The following SPAG17 variants were observed in gnomAD, a reference collection of about 807,000 sequenced individuals.
The protein encoded by SPAG17 is sperm-associated antigen 17.
A neutral mutation model predicts 273.6 loss-of-function variants in SPAG17; 169 were observed. The ratio of observed to expected loss-of-function variants is 0.62; its 90% confidence interval spans 0.55 to 0.70. SPAG17 has a LOEUF of 0.70. Ranked by LOEUF, SPAG17 falls within the 30% of genes least tolerant of loss-of-function variation. The probability of loss-of-function intolerance (pLI) is 0.00; values close to 1 mark genes in which losing one functional copy is unlikely to be tolerated. For synonymous variants in SPAG17, 825 were observed against 873.2 expected, an observed-to-expected ratio of 0.94 and a Z score of 0.97; for missense variants, 2,557 against 2,627.8, an observed-to-expected ratio of 0.97 and a Z score of 0.59.
chr1:118,182,703 T>A (rs1661004806), intron 1 of SPAG17, among the ~76,000 whole-genome samples: 1 of 152,176 alleles, frequency 6.6e-6, no homozygotes, highest in Non-Finnish European at 1.5e-5. Flanking sequence ...GTATCAGATT[T>A]ACTTGGTGCA....
At chr1:117,990,675 A>G (rs927676587) in intron 38 of SPAG17, among the ~76,000 whole-genome samples, 186 bp downstream of exon 38, 3 of 152,214 alleles carry the variant, frequency 2.0e-5, no homozygotes, top group East Asian at 1.9e-4. Context: ...GTCAAAGCTC[A>G]GGCAGAACAA....
intron 46 of SPAG17, 49 bp from the exon 47 acceptor site, chr1:117,966,802 C>T (rs1320181230): frequency 6.7e-7 from 1 of 1,496,692 alleles, no homozygotes; most frequent in South Asian, 1.4e-5. Flanking sequence ...GAGTTCAAAC[C>T]TTGCTTTTAA....
rs546322881 is a variant in SPAG17 at position 118,162,712 on chromosome 1, C to A, written c.88-11343G>T. 9.4e-4 allele frequency among the ~76,000 whole-genome samples: 142 copies of A among 150,674 alleles called. 1 individual carries two copies. The highest frequency in any genetic ancestry group is 3.2e-3 in the African/African-American group (133 of 41,186). On this transcript the variant is annotated intron_variant, in intron 1 of 48. Coordinates refer to ENST00000336338, the MANE Select transcript of SPAG17 (RefSeq NM_206996.4). ...AAATGAAGGATGCAAAATTGAATAA[C>A]ATGGAGCCCAAATTGTTTCATATTG...
At chr1:117,985,931 T>A (rs904118648) in intron 40 of SPAG17, among the ~76,000 whole-genome samples, 3 of 152,172 alleles carry the variant, frequency 2.0e-5, no homozygotes, top group Non-Finnish European at 2.9e-5. Flanking sequence ...CTGCACATGC[T>A]AGTCAGCCGT....
intron 10 of SPAG17, among the ~76,000 whole-genome samples, chr1:118,089,355 G>GTGTGTGT (rs10527094): frequency 1.5e-5 from 2 of 137,844 alleles, no homozygotes; most frequent in African/African-American, 5.5e-5. Context: ...GTGTGTGTGT[G>GTGTGTGT]GTGGCAGGTA....
intron 3 of SPAG17, among the ~76,000 whole-genome samples, chr1:118,143,062 A>G (rs1195191074): frequency 6.6e-6 from 1 of 152,206 alleles, no homozygotes; most frequent in East Asian, 1.9e-4. Context: ...GTTGACCCAA[A>G]CATGTGGGCA....
intron 28 of SPAG17, among the ~76,000 whole-genome samples, chr1:118,022,506 G>A (rs766678056): frequency 5.9e-5 from 9 of 152,126 alleles, no homozygotes; most frequent in African/African-American, 9.7e-5. Context: ...ATAATAAGAT[G>A]CATTGATTAT....
rs768738068 is a variant in SPAG17 at position 117,981,278 on chromosome 1, G to A, written c.5996C>T (p.Ser1999Phe). Reference sequence around the variant, plus strand: ...AAAAAAGACTGCCATACCTTCAGGAGATTTTGTTAAATTTTCAGTTTGGTT... The same window carrying A: ...AAAAAAGACTGCCATACCTTCAGGAAATTTTGTTAAATTTTCAGTTTGGTT... ...AQNQTENLTK[S>F]PEEAESYEPV... The change falls in exon 43 of 49, where the codon TCT becomes TTT. Residue 1999 changes from serine (S) to phenylalanine (F), a missense_variant. Transcript: ENST00000336338. 7 of 1,566,148 alleles carry A rather than the reference G, an allele frequency of 4.5e-6. No homozygotes were observed. Among genetic ancestry groups the A allele is most frequent in the African/African-American group, 1.4e-5 (1 of 71,246 alleles).
chr1:118,093,383 A>T, intron 7 of SPAG17, 66 bp from the exon 8 acceptor site: 1 of 1,462,432 alleles, frequency 6.8e-7, no homozygotes, highest in Non-Finnish European at 9.2e-7. Context: ...GATATATGGT[A>T]TATATCTCTT....
At chr1:117,986,056 C>G (rs1201522134) in intron 40 of SPAG17, among the ~76,000 whole-genome samples, 2 of 152,162 alleles carry the variant, frequency 1.3e-5, no homozygotes, top group Non-Finnish European at 2.9e-5. Flanking sequence ...AGTGAAACAA[C>G]CAGCCAGCAT....
chr1:118,169,089 AG>A (rs766495011), intron 1 of SPAG17, among the ~76,000 whole-genome samples: 1 of 152,198 alleles, frequency 6.6e-6, no homozygotes, highest in African/African-American at 2.4e-5. Flanking sequence ...ACATTTTCCT[AG>A]GATGTTGCCA....
rs751934421 is a variant in SPAG17 at position 118,005,412 on chromosome 1, A to T, written c.4776+2T>A. ...TCTCTCCATACCAAAGGTGCACTTT[A>T]CCTGAAAAGTGTTTCCCTCAGGATC... On this transcript the variant is annotated splice_donor_variant, in intron 32 of 48. Transcript: ENST00000336338. LOFTEE classifies it high-confidence loss of function. The T allele has an allele frequency of 3.1e-6, 5 of 1,600,540 alleles. No individual in the cohort carries two copies. In the African/African-American group the frequency reaches 6.7e-5, roughly 22 times the overall value.
chr1:118,054,045 T>C lies in SPAG17; in HGVS notation c.2771A>G (p.Lys924Arg), dbSNP rs754133329. 6.2e-7 allele frequency: 1 copy of C among 1,608,330 alleles called. No homozygotes were observed. The highest frequency in any genetic ancestry group is 1.1e-5 in the South Asian group (1 of 90,680). ...KTEISDQEKE[K>R]EKEKIPFILE... ...AATGAAAGGAATCTTTTCCTTCTCT[T>C]TTTCTTTTTCTTGATCTGATATCTC... The change falls in exon 20 of 49, where the codon AAA (lysine) becomes AGA (arginine). Residue 924 changes from lysine (K) to arginine (R), a missense_variant. By Grantham distance (26) the Lys-to-Arg change is conservative. Coordinates refer to ENST00000336338, the MANE Select transcript of SPAG17 (RefSeq NM_206996.4).
chr1:117,991,614 C>T, intron 36 of SPAG17, 86 bp from the exon 37 acceptor site: 1 of 782,092 alleles, frequency 1.3e-6, no homozygotes, highest in Non-Finnish European at 2.0e-6. Flanking sequence ...TGAAATATTA[C>T]AAAAAATGAA....
At chr1:118,064,048 A>G (rs1331630807) in intron 18 of SPAG17, among the ~76,000 whole-genome samples, 1 of 152,148 alleles carries the variant, frequency 6.6e-6, no homozygotes, top group Non-Finnish European at 1.5e-5. Flanking sequence ...ACCATCTCAC[A>G]CCAGTTAGAA....
At chr1:118,135,760 A>G (rs1376205903) in intron 3 of SPAG17, among the ~76,000 whole-genome samples, 1 of 152,206 alleles carries the variant, frequency 6.6e-6, no homozygotes, top group Non-Finnish European at 1.5e-5. Context: ...GGCACAGTGC[A>G]ACTGGAAATT....
At chr1:118,058,407 A>G (rs1232097310) in intron 18 of SPAG17, among the ~76,000 whole-genome samples, 1 of 152,082 alleles carries the variant, frequency 6.6e-6, no homozygotes, top group Non-Finnish European at 1.5e-5. Flanking sequence ...AGGTTTTGCC[A>G]TGTTGCCCAG....
At chr1:118,012,147 T>G (rs1659540213) in intron 30 of SPAG17, 81 bp downstream of exon 30, 2 of 1,405,584 alleles carry the variant, frequency 1.4e-6, no homozygotes, top group Non-Finnish European at 9.8e-7. Context: ...TATGTGTATG[T>G]TCAGCAGTCA....
chr1:118,068,930 G>A (rs148136123), intron 17 of SPAG17, among the ~76,000 whole-genome samples: 228 of 152,280 alleles, frequency 1.5e-3, no homozygotes, highest in African/African-American at 5.2e-3. Context: ...TGGAGTTGAA[G>A]GAGGTGTGTC....
Sources: allele counts gnomAD v4.1 joint callset (sites outside exome capture counted in the v4.1 genomes callset), GRCh38; gene constraint gnomAD v4.1.1; transcripts MANE v1.5; gene names NCBI Gene and HGNC (gene_info 2026-07-23, HGNC 2026-07-21).